The following KLRG1 variants were observed in gnomAD, a reference collection of about 807,000 sequenced individuals.
KLRG1 encodes the protein killer cell lectin-like receptor subfamily G member 1.
A neutral mutation model predicts 21.8 loss-of-function variants in KLRG1; 16 were observed. That is an observed-to-expected ratio of 0.73 (90% CI 0.50 to 1.11). The LOEUF is 1.11. Ranked by LOEUF, KLRG1 falls within the 50% of genes most tolerant of loss-of-function variation. The probability of loss-of-function intolerance (pLI) is 0.00; values close to 1 mark genes in which losing one functional copy is unlikely to be tolerated. For synonymous variants in KLRG1, 69 were observed against 75.9 expected (o/e 0.91, Z 0.47); for missense variants, 173 against 218.3 (o/e 0.79, Z 1.31).
chr12:9,081,278 AT>A, the KLRG1 span, among the ~76,000 whole-genome samples: 1 of 151,768 alleles, frequency 6.6e-6, no homozygotes, highest in African/African-American at 2.4e-5. Flanking sequence ...CAACAGCAAA[AT>A]TTTTTTTTCT....
chr12:9,090,821 T>A, the KLRG1 span, among the ~76,000 whole-genome samples: 1 of 152,200 alleles, frequency 6.6e-6, no homozygotes, highest in Non-Finnish European at 1.5e-5. Context: ...TAAACAGTTA[T>A]GGTTTCAGCA....
the KLRG1 span, chr12:9,064,947 C>G: frequency 2.6e-5 from 4 of 152,276 alleles, no homozygotes; most frequent in Non-Finnish European, 5.9e-5. This position sits in a 1 kb window ranked among gnomAD's most constrained non-coding sequence, Gnocchi z 4.0. Context: ...ACTGGGGTGA[C>G]CGCCGAGCTA....
chr12:9,112,853 G>A, the KLRG1 span, among the ~76,000 whole-genome samples: 1 of 152,168 alleles, frequency 6.6e-6, no homozygotes, highest in Admixed American at 6.5e-5. Flanking sequence ...AAAGGGCATG[G>A]TCGAAGCATG....
chr12:8,982,852 G>A (rs1483390116), intron 1 of KLRG1, among the ~76,000 whole-genome samples: 1 of 151,852 alleles, frequency 6.6e-6, no homozygotes, highest in African/African-American at 2.4e-5. Flanking sequence ...CACCATGTTG[G>A]CCAGGCTGGC....
the KLRG1 span, among the ~76,000 whole-genome samples, chr12:9,110,552 CATGCAATGCATGATAATAATCATT>C: frequency 4.0e-5 from 6 of 151,638 alleles, no homozygotes; most frequent in East Asian, 1.2e-3. Context: ...TTGATACAGG[CATGCAATGCATGATAATAATCATT>C]ATCCATGATT....
chr12:9,009,537 A>G lies in KLRG1; in HGVS notation c.570A>G (p.Ter190TrpextTer1). ...LHWVCKKVRL* is the reference protein window; with the variant it reads ...LHWVCKKVRLW ...GGGTGTGTAAGAAGGTCAGACTTTG[A>G]TAGATGACCACTCTGTCCTGACCCT... The change falls in exon 5 of 5, where the codon TGA becomes TGG. Residue 190 changes from the stop codon to tryptophan, a stop_lost. Transcript: ENST00000356986. 1 of 1,613,780 alleles carries G rather than the reference A, an allele frequency of 6.2e-7. No individual in the cohort carries two copies. The highest frequency in any genetic ancestry group is 1.3e-5 in the African/African-American group (1 of 75,032).
At position 8,992,327 on chromosome 12, in the gene KLRG1, AC is replaced by A; in HGVS notation, c.187+19del. On this transcript the variant is annotated intron_variant, in intron 2 of 4. Transcript: ENST00000356986. ...TGTGCCAGGGTAAGTGCAAACTTAA[AC>A]CAAAATTAATCTTTCATTTTATATT... The A allele has an allele frequency of 3.3e-6, 5 of 1,508,934 alleles. No homozygotes were observed. In the South Asian group the frequency reaches 5.9e-5, roughly 18 times the overall value. 93.5% of individuals were successfully genotyped at this position (1,508,934 alleles called of 1,614,324 possible). A position where few individuals can be genotyped will look rare whatever the true frequency, so the allele number is the denominator to read the frequency against.
At chr12:9,192,531 TC>T in the KLRG1 span, 1 of 1,613,514 alleles carries the variant, frequency 6.2e-7, no homozygotes, top group Non-Finnish European at 8.5e-7. Context: ...GAAACTGAGC[TC>T]CGATAACTCT....
the KLRG1 span, among the ~76,000 whole-genome samples, chr12:9,175,593 G>A: frequency 2.6e-5 from 4 of 151,976 alleles, no homozygotes; most frequent in South Asian, 4.2e-4. Context: ...CAGAGTCTAC[G>A]AGGAACTTAA....
intron 3 of KLRG1, among the ~76,000 whole-genome samples, chr12:8,998,980 C>G (rs1345231389): frequency 3.3e-5 from 5 of 152,002 alleles, no homozygotes; most frequent in Non-Finnish European, 7.4e-5. Flanking sequence ...CTTGGTCTCC[C>G]AAAGTGCTGG....
the KLRG1 span, chr12:9,201,160 A>G: frequency 1.4e-6 from 2 of 1,463,258 alleles, no homozygotes; most frequent in Non-Finnish European, 1.9e-6. Flanking sequence ...TGCCTCTGGA[A>G]AGACAAATAC....
chr12:9,008,444 T>C (rs1379062379), intron 3 of KLRG1, among the ~76,000 whole-genome samples: 1 of 152,214 alleles, frequency 6.6e-6, no homozygotes, highest in African/African-American at 2.4e-5. Flanking sequence ...TAGAATTAGA[T>C]GTTAAATGAG....
chr12:9,184,796 C>G, the KLRG1 span, among the ~76,000 whole-genome samples: 1 of 152,208 alleles, frequency 6.6e-6, no homozygotes, highest in Non-Finnish European at 1.5e-5. Flanking sequence ...ATCCAGGAGT[C>G]CTGAACTGAG....
chr12:9,207,542 G>A, the KLRG1 span, among the ~76,000 whole-genome samples: 6 of 152,344 alleles, frequency 3.9e-5, no homozygotes, highest in East Asian at 1.2e-3. Context: ...GAGACAGTCA[G>A]TTAGAGAGGA....
chr12:9,168,781 A>T, the KLRG1 span: 1 of 978,124 alleles, frequency 1.0e-6, no homozygotes, highest in South Asian at 1.4e-5. Context: ...ATAAAGTGGA[A>T]ATAGGGCTAC....
At chr12:9,067,765 T>C in the KLRG1 span, 1 of 1,552,430 alleles carries the variant, frequency 6.4e-7, no homozygotes, top group Non-Finnish European at 8.9e-7. Flanking sequence ...AAAACACGTG[T>C]CTTCTGTGGA....
At chr12:9,056,792 A>T in the KLRG1 span, among the ~76,000 whole-genome samples, 1 of 152,116 alleles carries the variant, frequency 6.6e-6, no homozygotes, top group African/African-American at 2.4e-5. Context: ...GCTTTAAGAG[A>T]TCATTCTGCC....
the KLRG1 span, among the ~76,000 whole-genome samples, chr12:9,041,978 G>A: frequency 6.6e-6 from 1 of 152,244 alleles, no homozygotes; most frequent in Non-Finnish European, 1.5e-5. Context: ...TTGGGGACCA[G>A]GTGATGAGAA....
At chr12:9,011,164 G>C (rs1024309471), downstream of KLRG1, among the ~76,000 whole-genome samples, 14 of 152,206 alleles carry the variant, frequency 9.2e-5, no homozygotes, top group Non-Finnish European at 7.3e-5. Flanking sequence ...GATGTGTGCA[G>C]ACCTCCTCTG....
Sources: allele counts gnomAD v4.1 joint callset (sites outside exome capture counted in the v4.1 genomes callset), GRCh38; gene constraint gnomAD v4.1.1; non-coding constraint Gnocchi (gnomAD v3.1); transcripts MANE v1.5; gene names NCBI Gene and HGNC (gene_info 2026-07-23, HGNC 2026-07-21).